The following CTPS1 variants were observed in gnomAD, a reference collection of about 807,000 sequenced individuals.
The protein encoded by CTPS1 is CTP synthase 1.
Under a neutral mutation model 80.5 loss-of-function variants are expected in CTPS1, and 25 were observed. The ratio of observed to expected loss-of-function variants is 0.31; its 90% confidence interval spans 0.23 to 0.43. The LOEUF is 0.43. Among genes scored for constraint, CTPS1 ranks in the 20% least tolerant of loss-of-function variants. The pLI, the probability that CTPS1 is intolerant of heterozygous loss-of-function variation, is 1.00. For synonymous variants in CTPS1, 267 were observed against 252.5 expected (o/e 1.06, Z -0.54); for missense variants, 442 against 725.7 (o/e 0.61, Z 4.49).
intron 9 of CTPS1, among the ~76,000 whole-genome samples, chr1:41,000,115 T>A (rs1216797532): frequency 6.6e-6 from 1 of 152,256 alleles, no homozygotes; most frequent in Non-Finnish European, 1.5e-5. Flanking sequence ...ATTTATATGA[T>A]GTTCTATAAG....
intron 9 of CTPS1, among the ~76,000 whole-genome samples, chr1:40,998,560 C>T (rs1233250238): frequency 2.0e-5 from 3 of 152,138 alleles, no homozygotes; most frequent in Non-Finnish European, 4.4e-5. Flanking sequence ...TGGTGCCTTC[C>T]TCCTAGGGTT....
intron 5 of CTPS1, 106 bp from the exon 6 acceptor site, chr1:40,991,059 C>A (rs1396656887): frequency 1.0e-5 from 8 of 771,384 alleles, no homozygotes; most frequent in Non-Finnish European, 1.7e-5. Context: ...ACACAAGTGA[C>A]CAAATGATCT....
At chr1:40,990,977 A>G (rs1558142187) in intron 5 of CTPS1, among the ~76,000 whole-genome samples, 188 bp from the exon 6 acceptor site, 3 of 152,332 alleles carry the variant, frequency 2.0e-5, no homozygotes, top group South Asian at 4.1e-4. Context: ...GATACTGCTT[A>G]CAAGCTCGGT....
intron 8 of CTPS1, among the ~76,000 whole-genome samples, chr1:40,996,632 G>A (rs930398766): frequency 9.9e-5 from 15 of 152,198 alleles, no homozygotes; most frequent in African/African-American, 3.6e-4. Context: ...AGATCAATAT[G>A]ATGGCCTAGA....
rs142707919 is a variant in CTPS1 at position 41,002,071 on chromosome 1, A to G, written c.1095-89A>G. On this transcript the variant is annotated intron_variant, in intron 10 of 18. Coordinates refer to ENST00000650070, the MANE Select transcript of CTPS1 (RefSeq NM_001905.4). Reference sequence around the variant, plus strand: ...ATGTATGGGGTTAATTCATGGCTTCAGTGTCTTGGTAATGGCCCGTTAGGC... The same window carrying G: ...ATGTATGGGGTTAATTCATGGCTTCGGTGTCTTGGTAATGGCCCGTTAGGC... The G allele has an allele frequency of 7.7e-5, 85 of 1,100,264 alleles. 1 individual carries two copies. In the Middle Eastern group the frequency reaches 1.0e-3, roughly 13 times the overall value. The allele number at this position is 1,100,264 out of a possible 1,614,324, so 68.2% of individuals were successfully genotyped here.
Position 41,010,240 on chromosome 1 carries a change from G to A in CTPS1, c.1771G>A (p.Asp591Asn). 5.0e-6 allele frequency: 8 copies of A among 1,611,616 alleles called. No individual in the cohort carries two copies. Among genetic ancestry groups the A allele is most frequent in the Non-Finnish European group, 6.8e-6 (8 of 1,177,786 alleles). ...ACTGAAGTTTCCATCAATAAATCAT[G>A]ACTGATCTTGTAGCGTAAGTGGTAC... Reference protein sequence around the residue: ...TELKFPSINHD With the variant: ...TELKFPSINHN Residue 591 changes from aspartate (D) to asparagine (N), a missense_variant, in exon 18 of 19, where the codon GAC becomes AAC. Physicochemically the swap from Asp to Asn is conservative, Grantham distance 23 (BLOSUM62 1). Coordinates refer to ENST00000650070, the MANE Select transcript of CTPS1 (RefSeq NM_001905.4).
intron 17 of CTPS1, among the ~76,000 whole-genome samples, chr1:41,009,899 C>T (rs61780435): frequency 0.15 from 22,899 of 152,198 alleles, 2,205 homozygotes; most frequent in Non-Finnish European, 0.21. Context: ...AGGTTTATGT[C>T]CCATTGCCAC....
chr1:41,003,099 C>T lies in CTPS1; in HGVS notation c.1190-15C>T, dbSNP rs967007886. The T allele has an allele frequency of 2.5e-6, 4 of 1,612,966 alleles. No individual in the cohort carries two copies. Among genetic ancestry groups the T allele is most frequent in the African/African-American group, 1.3e-5 (1 of 74,828 alleles). On this transcript the variant is annotated splice_polypyrimidine_tract_variant and intron_variant, in intron 11 of 18. Transcript: ENST00000650070. ...TTCAATGGAGTTTTGTTTGTTTTTT[C>T]CCCCCGACTGGAAGGCGTGTGCTTA...
chr1:40,985,042 C>A, intron 3 of CTPS1, 51 bp downstream of exon 3: 1 of 1,341,128 alleles, frequency 7.5e-7, no homozygotes, highest in Non-Finnish European at 1.0e-6. Flanking sequence ...AGTTTAATTT[C>A]TTCTCCCTCC....
chr1:41,008,650 T>A lies in CTPS1; in HGVS notation c.1394-9T>A. The A allele has an allele frequency of 6.2e-7, 1 of 1,614,078 alleles. No homozygotes were observed. The highest frequency in any genetic ancestry group is 1.1e-5 in the South Asian group (1 of 91,078). On this transcript the variant is annotated splice_polypyrimidine_tract_variant and intron_variant, in intron 14 of 18. Transcript: ENST00000650070. ...AAGTTCTTTACATACAGCCCGTTTG[T>A]TTTGCCAGGGAAACTCTATGGAGAC... is the stretch of plus-strand genomic sequence containing the variant.
intron 9 of CTPS1, among the ~76,000 whole-genome samples, chr1:40,998,425 TGGATGCCTGAGCCCG>T (rs1642816145): frequency 7.6e-6 from 1 of 131,740 alleles, no homozygotes; most frequent in African/African-American, 3.0e-5. Context: ...AAAAAAAACA[TGGATGCCTGAGCCCG>T]GTGACCAGGG....
intron 7 of CTPS1, among the ~76,000 whole-genome samples, chr1:40,994,175 C>T (rs538341835): frequency 3.3e-5 from 5 of 152,204 alleles, no homozygotes; most frequent in African/African-American, 7.2e-5. Flanking sequence ...CTTTCACTGT[C>T]GTGTCTAAGA....
intron 2 of CTPS1, 104 bp from the exon 3 acceptor site, chr1:40,984,717 C>G: frequency 1.1e-6 from 1 of 883,342 alleles, no homozygotes; most frequent in Non-Finnish European, 1.6e-6. Context: ...CTTCCTATTA[C>G]GTAATTGCAC....
At chr1:41,011,385 A>T (rs1190415698) in intron 18 of CTPS1, among the ~76,000 whole-genome samples, 1 of 152,214 alleles carries the variant, frequency 6.6e-6, no homozygotes, top group African/African-American at 2.4e-5. Context: ...ACTGCCTCGC[A>T]AGTGGAGAAT....
intron 2 of CTPS1, among the ~76,000 whole-genome samples, chr1:40,984,367 CA>C (rs1383977676): frequency 1.3e-5 from 2 of 152,196 alleles, no homozygotes; most frequent in African/African-American, 4.8e-5. Flanking sequence ...AGAACAAAAG[CA>C]GAGCTCGGAA....
At chr1:40,999,717 A>G (rs1642854856) in intron 9 of CTPS1, among the ~76,000 whole-genome samples, 1 of 152,240 alleles carries the variant, frequency 6.6e-6, no homozygotes. Context: ...AAACGTCCAC[A>G]AAAAAAGATT....
chr1:40,996,145 T>C, intron 8 of CTPS1, 77 bp downstream of exon 8: 1 of 1,537,552 alleles, frequency 6.5e-7, no homozygotes, highest in Non-Finnish European at 8.9e-7. Context: ...ACTCTAGCCC[T>C]AGCACTTTTG....
chr1:40,983,399 A>G lies in CTPS1; in HGVS notation c.109A>G (p.Ile37Val). 2 of 1,614,062 alleles carry G rather than the reference A, an allele frequency of 1.2e-6. No individual in the cohort carries two copies. Among genetic ancestry groups the G allele is most frequent in the Non-Finnish European group, 1.7e-6 (2 of 1,179,924 alleles). ...GTCATGTGGTTTACATGTAACTTCA[A>G]TCAAAATTGACCCCTACATTAACAT... ...LKSCGLHVTS[I>V]KIDPYINIDA... Residue 37 changes from isoleucine to valine, a missense_variant, in exon 2 of 19, where the codon ATC (isoleucine) becomes GTC (valine). Physicochemically the swap from Ile to Val is conservative, Grantham distance 29. Around this residue, in one of 4 missense-constraint regions of CTPS1, gnomAD observed 25 missense variants for 72.7 expected, o/e 0.34. Transcript: ENST00000650070.
At chr1:40,993,647 C>T (rs1328162416) in intron 7 of CTPS1, among the ~76,000 whole-genome samples, 1 of 152,170 alleles carries the variant, frequency 6.6e-6, no homozygotes, top group Admixed American at 6.5e-5. Context: ...GCCTTACTTA[C>T]TCTTTTAATT....
Sources: allele counts gnomAD v4.1 joint callset (sites outside exome capture counted in the v4.1 genomes callset), GRCh38; gene constraint gnomAD v4.1.1; regional missense constraint gnomAD v4.1.1; transcripts MANE v1.5; gene names NCBI Gene and HGNC (gene_info 2026-07-23, HGNC 2026-07-21).